Variants in C19orf38 observed in about 807,000 individuals in gnomAD.
C19orf38 encodes the protein protein HIDE1.
In C19orf38, 14 loss-of-function variants were observed where a neutral mutation model predicts 26.6. The ratio of observed to expected loss-of-function variants is 0.53; its 90% CI spans 0.35 to 0.82. The LOEUF (loss-of-function observed/expected upper bound fraction) is 0.82. Among genes scored for constraint, C19orf38 ranks in the 40% least tolerant of loss-of-function variants. C19orf38 has a pLI of 0.01. For missense variants in C19orf38, 261 were observed against 299.5 expected, an observed-to-expected ratio of 0.87 and a Z score of 0.95; for synonymous variants, 132 against 128.5, an observed-to-expected ratio of 1.03 and a Z score of -0.18.
intron 2 of C19orf38, among the ~76,000 whole-genome samples, chr19:10,852,603 T>A (rs971401496): frequency 6.6e-6 from 1 of 152,056 alleles, no homozygotes; most frequent in Non-Finnish European, 1.5e-5. Context: ...ATCCAGGGCA[T>A]GTGTTGCAGG....
At chr19:10,851,313 A>G (rs1293924468) in intron 2 of C19orf38, among the ~76,000 whole-genome samples, 5 of 149,792 alleles carry the variant, frequency 3.3e-5, no homozygotes, top group Non-Finnish European at 7.4e-5. Flanking sequence ...CAGCCTCCCA[A>G]AGTGCTGGAA....
chr19:10,858,439 C>CT (rs1367306734), intron 4 of C19orf38, 96 bp downstream of exon 4: 1 of 1,212,650 alleles, frequency 8.2e-7, no homozygotes, highest in Admixed American at 2.6e-5. Context: ...CAAACAGCGC[C>CT]TCCTGGTGGG....
At position 10,863,215 on chromosome 19, in the gene C19orf38, G is replaced by T; in HGVS notation, c.543+8G>T. The T allele has an allele frequency of 6.4e-7, 1 of 1,551,138 alleles. No homozygotes were observed. The highest frequency in any genetic ancestry group is 2.0e-5 in the Admixed American group (1 of 50,962). ...CTGTTTACCGTCTCCGCGGTGAGTGGTTCTTTTTCTTGGAACCGGTTTTCT... is the reference window on the plus strand; with the variant it reads ...CTGTTTACCGTCTCCGCGGTGAGTGTTTCTTTTTCTTGGAACCGGTTTTCT... On this transcript the variant is annotated splice_region_variant and intron_variant, in intron 6 of 6. Transcript: ENST00000397820.
chr19:10,843,080 C>T (rs188444924), intron 1 of C19orf38, among the ~76,000 whole-genome samples: 66 of 152,186 alleles, frequency 4.3e-4, no homozygotes, highest in Middle Eastern at 6.8e-3. Flanking sequence ...GGATCCGGGG[C>T]TTTTTATGGA....
At chr19:10,849,815 G>A (rs1012186061) in intron 1 of C19orf38, among the ~76,000 whole-genome samples, 3 of 152,048 alleles carry the variant, frequency 2.0e-5, no homozygotes, top group Non-Finnish European at 4.4e-5. Flanking sequence ...TATAATCCCA[G>A]CACTTTGGGA....
intron 2 of C19orf38, 110 bp downstream of exon 2, chr19:10,850,677 C>A: frequency 8.7e-7 from 1 of 1,147,132 alleles, no homozygotes; most frequent in Non-Finnish European, 1.2e-6. Context: ...GGCTTACACC[C>A]TGCCAGGACT....
chr19:10,863,155 CTCTT>C lies in C19orf38; in HGVS notation c.506-11_506-8del, dbSNP rs1418920308. 22 of 1,551,018 alleles carry C rather than the reference CTCTT, an allele frequency of 1.4e-5. No individual in the cohort carries two copies. Among genetic ancestry groups the C allele is most frequent in the Non-Finnish European group, 1.8e-5 (21 of 1,146,466 alleles). ...TGGCCCCCAATCCTGGGTTTTCTTTCTCTTTCTGTTTCAGACATGTCCTTCGATA... is the reference window on the plus strand; with the variant it reads ...TGGCCCCCAATCCTGGGTTTTCTTTCTCTGTTTCAGACATGTCCTTCGATA... On this transcript the variant is annotated splice_polypyrimidine_tract_variant and intron_variant, in intron 5 of 6. Transcript: ENST00000397820.
At position 10,867,939 on chromosome 19, in the gene C19orf38, C is replaced by G. The variant is rs146709143; in HGVS notation, c.544-1279C>G. Among the ~76,000 whole-genome samples the G allele has an allele frequency of 8.6e-4, 131 of 152,128 alleles. 1 individual carries two copies. The East Asian group carries it at 0.024, about 28-fold the overall frequency. On this transcript the variant is annotated intron_variant, in intron 6 of 6. Coordinates refer to ENST00000397820, the MANE Select transcript of C19orf38 (RefSeq NM_001136482.3). ...AAGTGCTGGGATTACAGGTGTGAGC[C>G]ACCGTGCCCAGCCTGTTCTTCCTTT... is the stretch of plus-strand genomic sequence containing the variant.
intron 2 of C19orf38, among the ~76,000 whole-genome samples, chr19:10,850,870 G>A (rs577527941): frequency 1.3e-5 from 2 of 152,122 alleles, no homozygotes; most frequent in East Asian, 1.9e-4. Flanking sequence ...CAGGCAGCCC[G>A]TCTCCCTCTT....
chr19:10,868,800 C>T (rs558913369), intron 6 of C19orf38, among the ~76,000 whole-genome samples: 107 of 152,318 alleles, frequency 7.0e-4, no homozygotes, highest in Non-Finnish European at 1.4e-3. Flanking sequence ...GCCACTGGGC[C>T]CAACAGAGGA....
intron 6 of C19orf38, 32 bp from the exon 7 acceptor site, chr19:10,869,186 C>T (rs1319565340): frequency 7.7e-6 from 12 of 1,551,152 alleles, no homozygotes; most frequent in African/African-American, 1.4e-5. Context: ...CCCAAATCAC[C>T]CACTTCTGTG....
At chr19:10,847,806 G>A (rs986249370), upstream of C19orf38, among the ~76,000 whole-genome samples, 8 of 152,150 alleles carry the variant, frequency 5.3e-5, no homozygotes, top group African/African-American at 1.7e-4. Context: ...TTTAAATGTT[G>A]GTGCTGGTTA....
intron 5 of C19orf38, among the ~76,000 whole-genome samples, chr19:10,862,201 G>GTTTTT (rs566409872): frequency 2.5e-5 from 3 of 120,910 alleles, no homozygotes; most frequent in Non-Finnish European, 3.5e-5. Flanking sequence ...CGCCCAGCCT[G>GTTTTT]TTTTTTTTTT....
intron 6 of C19orf38, 93 bp downstream of exon 6, chr19:10,863,300 C>T: frequency 1.5e-6 from 2 of 1,369,994 alleles, no homozygotes; most frequent in South Asian, 1.3e-5. Flanking sequence ...GCTAAGTTGA[C>T]CTGCTGTCTC....
At chr19:10,838,667 G>A (rs1457139723) in intron 1 of C19orf38, among the ~76,000 whole-genome samples, 1 of 152,138 alleles carries the variant, frequency 6.6e-6, no homozygotes, top group Admixed American at 6.6e-5. Context: ...AATAGGCAAC[G>A]GAGAGTATAG....
chr19:10,837,550 A>G (rs1447746570), intron 1 of C19orf38, among the ~76,000 whole-genome samples: 1 of 113,976 alleles, frequency 8.8e-6, no homozygotes, highest in Admixed American at 1.3e-4. Flanking sequence ...TCTGTTGCCC[A>G]GGCTAGAGTG....
At chr19:10,844,473 G>C (rs2073501494), upstream of C19orf38, among the ~76,000 whole-genome samples, 2 of 151,902 alleles carry the variant, frequency 1.3e-5, no homozygotes, top group South Asian at 4.1e-4. Context: ...CACTTTGGGA[G>C]GCCAAGGTGG....
chr19:10,866,737 T>C (rs904405413), intron 6 of C19orf38, among the ~76,000 whole-genome samples: 1 of 151,444 alleles, frequency 6.6e-6, no homozygotes, highest in Non-Finnish European at 1.5e-5. Flanking sequence ...ACTTCTGGGG[T>C]TGAAGCGATT....
chr19:10,865,038 T>C (rs1231314282), intron 6 of C19orf38, among the ~76,000 whole-genome samples: 1 of 152,192 alleles, frequency 6.6e-6, no homozygotes, highest in Non-Finnish European at 1.5e-5. Context: ...CCTGAGGCCA[T>C]AAGAAAAACC....
Sources: allele counts gnomAD v4.1 joint callset (sites outside exome capture counted in the v4.1 genomes callset), GRCh38; gene constraint gnomAD v4.1.1; transcripts MANE v1.5; gene names NCBI Gene and HGNC (gene_info 2026-07-23, HGNC 2026-07-21).